Variants in NRG3 observed in about 807,000 individuals in gnomAD.
NRG3 encodes pro-neuregulin-3, membrane-bound isoform.
NRG3 carries 31 observed loss-of-function variants against 66.9 expected under a neutral mutation model. That is an observed-to-expected ratio of 0.46 (90% confidence interval 0.35 to 0.63). NRG3 has a LOEUF of 0.63. Among genes scored for constraint, NRG3 ranks in the 20% least tolerant of loss-of-function variants. The pLI, the probability that NRG3 is intolerant of heterozygous loss-of-function variation, is 0.00. For missense variants in NRG3, 910 were observed against 878.9 expected (o/e 1.04, Z -0.45); for synonymous variants, 393 against 359.4 (o/e 1.09, Z -1.06).
intron 1 of NRG3, among the ~76,000 whole-genome samples, chr10:81,921,109 G>A (rs1846210564): frequency 6.6e-6 from 1 of 151,968 alleles, no homozygotes; most frequent in Admixed American, 6.6e-5. Flanking sequence ...ATGTTTGAGA[G>A]TGCCCCTTCT....
chr10:82,984,360 T>G (rs981836497), intron 8 of NRG3, among the ~76,000 whole-genome samples: 1 of 152,296 alleles, frequency 6.6e-6, no homozygotes, highest in East Asian at 1.9e-4. Flanking sequence ...AAGAACTACC[T>G]TACTTGGTTT....
At chr10:82,339,258 C>T (rs1198292453) in intron 1 of NRG3, among the ~76,000 whole-genome samples, 1 of 152,106 alleles carries the variant, frequency 6.6e-6, no homozygotes, top group East Asian at 1.9e-4. Flanking sequence ...TAGTCAGTAA[C>T]TGTATTAGTC....
intron 1 of NRG3, among the ~76,000 whole-genome samples, chr10:82,268,921 A>T (rs367961125): frequency 6.6e-6 from 1 of 152,036 alleles, no homozygotes; most frequent in African/African-American, 2.4e-5. Flanking sequence ...CTTGTTGCAG[A>T]TCTATTTCAT....
At chr10:82,860,575 C>G (rs11196256) in intron 3 of NRG3, among the ~76,000 whole-genome samples, 1 of 152,264 alleles carries the variant, frequency 6.6e-6, no homozygotes, top group East Asian at 1.9e-4. Flanking sequence ...TTACAACAAT[C>G]TTATAAATTG....
intron 1 of NRG3, among the ~76,000 whole-genome samples, chr10:82,112,601 C>T (rs987287394): frequency 5.9e-5 from 9 of 152,184 alleles, no homozygotes; most frequent in Middle Eastern, 3.4e-3. Context: ...TTCTAAATGG[C>T]GCTTCTTCAT....
chr10:82,074,674 G>A (rs181511333), intron 1 of NRG3, among the ~76,000 whole-genome samples: 1 of 152,026 alleles, frequency 6.6e-6, no homozygotes, highest in Non-Finnish European at 1.5e-5. Context: ...TACAAACAAA[G>A]TTTTAAAAAA....
intron 4 of NRG3, among the ~76,000 whole-genome samples, chr10:82,944,424 A>G (rs1392241541): frequency 6.6e-6 from 1 of 152,200 alleles, no homozygotes; most frequent in Admixed American, 6.5e-5. Flanking sequence ...CATTTCAGTC[A>G]TGAACTGACA....
chr10:82,560,616 A>G (rs919527212), intron 2 of NRG3, among the ~76,000 whole-genome samples: 14 of 150,766 alleles, frequency 9.3e-5, no homozygotes, highest in Non-Finnish European at 1.8e-4. Context: ...TTTTCTTTCA[A>G]TCTTTATCTG....
chr10:82,707,054 A>G (rs1461925000), intron 2 of NRG3, among the ~76,000 whole-genome samples: 1 of 148,086 alleles, frequency 6.8e-6, no homozygotes, highest in African/African-American at 2.5e-5. Flanking sequence ...TATATTTGAT[A>G]TATTAAAAAA....
intron 1 of NRG3, among the ~76,000 whole-genome samples, chr10:82,178,270 A>G (rs375202532): frequency 2.6e-5 from 4 of 152,326 alleles, no homozygotes; most frequent in South Asian, 2.1e-4. Context: ...TAACAAAATT[A>G]TAAGTATAAA....
intron 1 of NRG3, among the ~76,000 whole-genome samples, chr10:82,262,806 G>T (rs572641887): frequency 6.6e-6 from 1 of 152,294 alleles, no homozygotes; most frequent in Non-Finnish European, 1.5e-5. Flanking sequence ...ACGATGAGGA[G>T]GGTGTTTGAA....
intron 1 of NRG3, among the ~76,000 whole-genome samples, chr10:81,993,016 C>G (rs879460884): frequency 7.2e-5 from 11 of 152,118 alleles, no homozygotes; most frequent in Admixed American, 1.3e-4. Context: ...GTCTGAGAAC[C>G]TAGTTATATT....
At chr10:82,809,536 T>A (rs2135492708) in intron 3 of NRG3, among the ~76,000 whole-genome samples, 1 of 152,220 alleles carries the variant, frequency 6.6e-6, no homozygotes, top group Non-Finnish European at 1.5e-5. Flanking sequence ...GTCCCCATAA[T>A]ATATTATATC....
chr10:82,079,478 A>T (rs1002174094), intron 1 of NRG3, among the ~76,000 whole-genome samples: 12 of 152,192 alleles, frequency 7.9e-5, no homozygotes, highest in African/African-American at 2.9e-4. Context: ...TACATTTGTT[A>T]TTATTATTAC....
At chr10:82,303,869 A>AAAAT (rs1339949117) in intron 1 of NRG3, among the ~76,000 whole-genome samples, 33 of 152,234 alleles carry the variant, frequency 2.2e-4, no homozygotes, top group South Asian at 4.1e-4. Flanking sequence ...CCTGTCTCAA[A>AAAAT]AAATAAATAA....
intron 2 of NRG3, among the ~76,000 whole-genome samples, chr10:82,582,344 A>G (rs927255727): frequency 6.6e-6 from 1 of 152,096 alleles, no homozygotes; most frequent in Non-Finnish European, 1.5e-5. Context: ...AGAATATACC[A>G]CATGTAAACT....
chr10:82,984,273 A>G (rs537636577), intron 8 of NRG3, among the ~76,000 whole-genome samples: 1 of 152,328 alleles, frequency 6.6e-6, no homozygotes, highest in Non-Finnish European at 1.5e-5. Context: ...GCAAGAAGGG[A>G]ACTTAGAAGA....
chr10:81,905,444 G>A (rs1051955871), intron 1 of NRG3, among the ~76,000 whole-genome samples: 4 of 152,058 alleles, frequency 2.6e-5, no homozygotes, highest in Non-Finnish European at 4.4e-5. Flanking sequence ...CTCTATTACC[G>A]GGCATTTTTT....
At chr10:82,282,073 G>A (rs938558370) in intron 1 of NRG3, among the ~76,000 whole-genome samples, 3 of 151,928 alleles carry the variant, frequency 2.0e-5, no homozygotes, top group African/African-American at 7.3e-5. Flanking sequence ...CAGAAGTCAA[G>A]CAGAAATGTA....
Sources: gnomAD v4.1 joint callset for allele counts (sites outside exome capture counted in the v4.1 genomes callset) on GRCh38, gnomAD v4.1.1 for gene constraint, MANE v1.5 for transcripts, NCBI Gene and HGNC (gene_info 2026-07-23, HGNC 2026-07-21) for gene names.